PHACTR4: variants seen among roughly 807,000 people sequenced by gnomAD.
PHACTR4 encodes the protein protein phosphatase 1, regulatory subunit 124.
In PHACTR4, 51 loss-of-function variants were observed where a neutral mutation model predicts 72.7. The observed-to-expected ratio is 0.70, with a 90% CI of 0.56 to 0.89. The LOEUF is 0.89. PHACTR4 is among the 40% of genes least tolerant of loss of function. PHACTR4 has a pLI of 0.00. For synonymous variants in PHACTR4, 255 were observed against 302.5 expected (o/e 0.84, Z 1.63); for missense variants, 731 against 861.8 (o/e 0.85, Z 1.90).
chr1:28,457,083 C>G (rs1658445309), intron 2 of PHACTR4, among the ~76,000 whole-genome samples: 1 of 152,096 alleles, frequency 6.6e-6, no homozygotes, highest in African/African-American at 2.4e-5. Flanking sequence ...AATGAGGATG[C>G]TATTTTGCCT....
chr1:28,490,818 G>A (rs1196400021), intron 10 of PHACTR4, 133 bp from the exon 11 acceptor site: 21 of 887,214 alleles, frequency 2.4e-5, no homozygotes, highest in Admixed American at 4.8e-5. Flanking sequence ...ACTCCAGCCT[G>A]GGCAACAAGA....
intron 2 of PHACTR4, among the ~76,000 whole-genome samples, chr1:28,458,447 C>T (rs181625722): frequency 1.3e-5 from 2 of 152,208 alleles, no homozygotes; most frequent in East Asian, 1.9e-4. Context: ...TGTGCTCAGC[C>T]TATGATTGTC....
chr1:28,417,752 A>G (rs1025522310), intron 2 of PHACTR4, among the ~76,000 whole-genome samples: 4 of 152,254 alleles, frequency 2.6e-5, no homozygotes, highest in Admixed American at 2.6e-4. Context: ...CTATAATGCT[A>G]TATCAATCAG....
chr1:28,418,511 CA>C (rs1191569342), intron 2 of PHACTR4, among the ~76,000 whole-genome samples: 1 of 151,770 alleles, frequency 6.6e-6, no homozygotes, highest in Non-Finnish European at 1.5e-5. Context: ...AACAAACAAA[CA>C]AATACATTTG....
At chr1:28,487,062 G>A (rs898837600) in intron 9 of PHACTR4, among the ~76,000 whole-genome samples, 3 of 151,768 alleles carry the variant, frequency 2.0e-5, no homozygotes, top group African/African-American at 2.4e-5. Flanking sequence ...ACATACATAC[G>A]TACTTTTTAA....
chr1:28,476,218 G>T lies in PHACTR4; in HGVS notation c.1533G>T (p.Glu511Asp). The T allele has an allele frequency of 1.2e-6, 2 of 1,606,666 alleles. No homozygotes were observed. The highest frequency in any genetic ancestry group is 1.7e-6 in the Non-Finnish European group (2 of 1,175,848). Residue 511 changes from glutamate to aspartate, a missense_variant, in exon 8 of 14, where the codon GAG (glutamate) becomes GAT (aspartate). This residue lies in a region of PHACTR4 where 621 missense variants were observed against 676.6 expected (regional missense o/e 0.92). Coordinates refer to ENST00000373839, the MANE Select transcript of PHACTR4 (RefSeq NM_001048183.3). ...CACAGTGTCTACGGGAGGAAGAAGA[G>T]AAGGAGAGCGACTCTGATTCAGAAG... ...KLPQCLREEE[E>D]KESDSDSEGP...
At chr1:28,450,164 C>T (rs1463030175) in intron 2 of PHACTR4, among the ~76,000 whole-genome samples, 5 of 152,098 alleles carry the variant, frequency 3.3e-5, no homozygotes, top group South Asian at 2.1e-4. Flanking sequence ...AACTCTGTGA[C>T]GTGCTTTCCT....
At chr1:28,450,208 G>T (rs1260543345) in intron 2 of PHACTR4, among the ~76,000 whole-genome samples, 1 of 151,908 alleles carries the variant, frequency 6.6e-6, no homozygotes, top group Non-Finnish European at 1.5e-5. Flanking sequence ...AAAGAAAAAG[G>T]TGTTTTCTTT....
At position 28,371,492 on chromosome 1, in the gene PHACTR4, A is replaced by C. The variant is rs11578933; in HGVS notation, c.-39+1667A>C. Among the ~76,000 whole-genome samples, 905 of 152,186 alleles carry C rather than the reference A, an allele frequency of 5.9e-3. 3 individuals are homozygous for C. The highest frequency in any genetic ancestry group is 0.021 in the African/African-American group (863 of 41,516). On this transcript the variant is annotated intron_variant, in intron 1 of 13. Coordinates refer to ENST00000373839, the MANE Select transcript of PHACTR4 (RefSeq NM_001048183.3). ...GTATTTTTGGTAGAAACAAGGTTTC[A>C]CCATGTTAGCCAGGCTGGCCTTGAA...
intron 8 of PHACTR4, among the ~76,000 whole-genome samples, chr1:28,476,527 G>GT (rs147125987): frequency 0.087 from 12,176 of 139,702 alleles, 1,077 homozygotes; most frequent in African/African-American, 0.24. Flanking sequence ...TAGGTTTTTT[G>GT]TTTTTTTTTG....
chr1:28,483,499 CA>C (rs200387522), intron 9 of PHACTR4, among the ~76,000 whole-genome samples: 4 of 150,892 alleles, frequency 2.7e-5, no homozygotes, highest in African/African-American at 9.7e-5. Context: ...TGAAAAATTA[CA>C]AAAAAAAGAG....
intron 2 of PHACTR4, among the ~76,000 whole-genome samples, chr1:28,411,036 G>A (rs2124299850): frequency 6.6e-6 from 1 of 151,234 alleles, no homozygotes; most frequent in Admixed American, 6.6e-5. Context: ...TATTTTTTTG[G>A]TTTGTTTTTG....
At chr1:28,424,498 A>AT (rs930056275) in intron 2 of PHACTR4, among the ~76,000 whole-genome samples, 2 of 122,820 alleles carry the variant, frequency 1.6e-5, no homozygotes, top group Admixed American at 7.4e-5. Flanking sequence ...AATTTTATTT[A>AT]TTATTTTTTT....
intron 4 of PHACTR4, among the ~76,000 whole-genome samples, chr1:28,462,926 G>A (rs868296804): frequency 2.0e-4 from 30 of 152,224 alleles, no homozygotes; most frequent in African/African-American, 7.0e-4. Context: ...CTGGCCTGGC[G>A]CGGTGGCTCA....
Position 28,491,766 on chromosome 1 carries a change from C to A in PHACTR4, c.1995C>A (p.Thr665=). The change falls in exon 12 of 14, where the codon ACC becomes ACA. Residue 665 remains threonine, a synonymous_variant. Transcript: ENST00000373839. ...ACCGGCGAGCCGACAAACCTTGGAC[C>A]AAACTGACCCCTGCTGACAAGGTAC... is the stretch of plus-strand genomic sequence containing the variant. ...DYDRRADKPW[T]KLTPADKAAI... 6.2e-7 allele frequency: 1 copy of A among 1,614,000 alleles called. No homozygotes were observed. The highest frequency in any genetic ancestry group is 1.1e-5 in the South Asian group (1 of 91,054).
intron 2 of PHACTR4, among the ~76,000 whole-genome samples, chr1:28,434,365 C>T (rs1656493068): frequency 6.6e-6 from 1 of 151,452 alleles, no homozygotes; most frequent in South Asian, 2.1e-4. Context: ...CTTGTCACCC[C>T]GGCTGGAATG....
At chr1:28,488,577 C>T (rs967135513) in intron 9 of PHACTR4, among the ~76,000 whole-genome samples, 7 of 151,966 alleles carry the variant, frequency 4.6e-5, no homozygotes, top group African/African-American at 1.7e-4. Context: ...ATAGCTTGAG[C>T]CCAGGAGGAG....
In PHACTR4 at chr1:28,487,717, G is replaced by GT. The variant is rs1320016675; in HGVS notation, c.1761-1447dup. ...CTGATTTCAAAAATGACAAATTGTA[G>GT]TTTTTTGTTGTTTTTTTTTTTTTTT... On this transcript the variant is annotated intron_variant, in intron 9 of 13. Coordinates refer to ENST00000373839, the MANE Select transcript of PHACTR4 (RefSeq NM_001048183.3). 9.7e-4 allele frequency among the ~76,000 whole-genome samples: 99 copies of GT among 102,438 alleles called. 2 individuals carry two copies. Among genetic ancestry groups the GT allele is most frequent in the African/African-American group, 3.8e-3 (94 of 24,654 alleles). 67.2% of individuals were successfully genotyped at this position (102,438 alleles called of 152,430 possible). A position where few individuals can be genotyped will look rare whatever the true frequency, so the allele number is the denominator to read the frequency against.
At chr1:28,408,720 G>A (rs567466360) in intron 2 of PHACTR4, among the ~76,000 whole-genome samples, 2 of 151,438 alleles carry the variant, frequency 1.3e-5, no homozygotes, top group Non-Finnish European at 2.9e-5. Context: ...CTGTCGCCCA[G>A]GCTGGAGTGC....
Sources: gnomAD v4.1 joint callset for allele counts (sites outside exome capture counted in the v4.1 genomes callset) on GRCh38, gnomAD v4.1.1 for gene constraint, gnomAD v4.1.1 regional missense constraint, MANE v1.5 for transcripts, NCBI Gene and HGNC (gene_info 2026-07-23, HGNC 2026-07-21) for gene names.